The following EYS variants were observed in gnomAD, a reference collection of about 807,000 sequenced individuals.
EYS encodes the protein protein eyes shut homolog.
Under a neutral mutation model 282.1 loss-of-function variants are expected in EYS, and 250 were observed. The observed-to-expected ratio is 0.89, with a 90% CI of 0.80 to 0.98. The LOEUF (loss-of-function observed/expected upper bound fraction) is 0.98. EYS is among the 50% of genes least tolerant of loss of function. The probability of loss-of-function intolerance (pLI) is 0.00; values close to 1 mark genes in which losing one functional copy is unlikely to be tolerated. For missense variants in EYS, 4,016 were observed against 3,709.0 expected, an observed-to-expected ratio of 1.08 and a Z score of -2.15; for synonymous variants, 1,355 against 1,282.9, an observed-to-expected ratio of 1.06 and a Z score of -1.20.
At chr6:64,565,612 G>A (rs1224555080) in intron 26 of EYS, among the ~76,000 whole-genome samples, 1 of 151,956 alleles carries the variant, frequency 6.6e-6, no homozygotes, top group Non-Finnish European at 1.5e-5. Flanking sequence ...TGGGAGGTAG[G>A]GGAAAATGGG....
intron 31 of EYS, among the ~76,000 whole-genome samples, chr6:64,166,071 C>G (rs1402191268): frequency 2.0e-5 from 3 of 152,144 alleles, no homozygotes; most frequent in Admixed American, 1.3e-4. Flanking sequence ...TTCATAGCAT[C>G]TTAATGTTGG....
At chr6:63,899,613 A>G (rs968875993) in intron 35 of EYS, among the ~76,000 whole-genome samples, 1 of 152,178 alleles carries the variant, frequency 6.6e-6, no homozygotes, top group South Asian at 2.1e-4. Context: ...AGGCTGGGCC[A>G]ATTCCTGTTT....
chr6:64,813,148 G>C (rs970124421), intron 22 of EYS, among the ~76,000 whole-genome samples: 3 of 151,722 alleles, frequency 2.0e-5, no homozygotes, highest in African/African-American at 7.3e-5. Context: ...TAAAATGAGG[G>C]ATGATTTAAC....
intron 31 of EYS, among the ~76,000 whole-genome samples, chr6:64,114,178 A>C (rs1005873759): frequency 6.6e-6 from 1 of 152,196 alleles, no homozygotes; most frequent in South Asian, 2.1e-4. Flanking sequence ...ACATTGATAT[A>C]TAAGGTGCAA....
intron 19 of EYS, among the ~76,000 whole-genome samples, chr6:64,876,164 A>C (rs898754443): frequency 6.6e-6 from 1 of 152,078 alleles, no homozygotes; most frequent in African/African-American, 2.4e-5. Flanking sequence ...ATCTGAATTT[A>C]AAATTAATGT....
chr6:64,826,973 G>A (rs971042188), intron 19 of EYS, among the ~76,000 whole-genome samples: 1 of 151,512 alleles, frequency 6.6e-6, no homozygotes, highest in Non-Finnish European at 1.5e-5. Context: ...TCGCTGCTCT[G>A]ATATTATCAA....
At chr6:65,580,134 A>G (rs1764817109) in intron 2 of EYS, among the ~76,000 whole-genome samples, 1 of 152,268 alleles carries the variant, frequency 6.6e-6, no homozygotes, top group South Asian at 2.1e-4. Context: ...AATGTCACAG[A>G]AAAATATCTG....
intron 16 of EYS, among the ~76,000 whole-genome samples, chr6:64,907,647 C>T (rs1767872740): frequency 6.6e-6 from 1 of 152,100 alleles, no homozygotes; most frequent in African/African-American, 2.4e-5. Context: ...ATGAAGAGAA[C>T]ATGGTAGTTG....
At chr6:65,677,013 A>T (rs866710345) in intron 1 of EYS, among the ~76,000 whole-genome samples, 6 of 151,298 alleles carry the variant, frequency 4.0e-5, no homozygotes, top group African/African-American at 9.7e-5. Flanking sequence ...GATTATGATT[A>T]AAAAAATTAA....
At chr6:65,526,186 T>C (rs548297237) in intron 2 of EYS, among the ~76,000 whole-genome samples, 1 of 152,190 alleles carries the variant, frequency 6.6e-6, no homozygotes, top group Admixed American at 6.5e-5. Flanking sequence ...CCTCATTCTA[T>C]TGACCTTATC....
chr6:64,766,938 T>G (rs964092177), intron 22 of EYS, among the ~76,000 whole-genome samples: 1 of 151,542 alleles, frequency 6.6e-6, no homozygotes, highest in East Asian at 1.9e-4. Context: ...AAAGAAAAAC[T>G]GAAAAGAAGT....
chr6:64,046,811 C>T (rs1036792748), intron 33 of EYS, among the ~76,000 whole-genome samples: 2 of 152,160 alleles, frequency 1.3e-5, no homozygotes, highest in African/African-American at 4.8e-5. Flanking sequence ...TATTTACTAC[C>T]TCCAGATCCT....
chr6:64,708,902 T>G (rs536902038), intron 22 of EYS, among the ~76,000 whole-genome samples: 1 of 152,274 alleles, frequency 6.6e-6, no homozygotes, highest in African/African-American at 2.4e-5. Flanking sequence ...CAATCTAACA[T>G]GCAAGTTTAC....
chr6:64,360,619 A>C (rs1402292819), intron 29 of EYS, among the ~76,000 whole-genome samples: 1 of 151,754 alleles, frequency 6.6e-6, no homozygotes, highest in Non-Finnish European at 1.5e-5. Context: ...TAGTAGTTTC[A>C]GTTTCAGGAA....
At chr6:65,186,343 G>T (rs1444055111) in intron 12 of EYS, among the ~76,000 whole-genome samples, 1 of 151,710 alleles carries the variant, frequency 6.6e-6, no homozygotes, top group Non-Finnish European at 1.5e-5. Flanking sequence ...ACTTCCTCTT[G>T]ATATGGGATA....
intron 33 of EYS, among the ~76,000 whole-genome samples, chr6:64,053,279 A>AAAG (rs1770874535): frequency 6.6e-6 from 1 of 152,046 alleles, no homozygotes; most frequent in Non-Finnish European, 1.5e-5. Flanking sequence ...CTAGAAAATA[A>AAAG]AAGTTTTAGA....
At chr6:64,776,011 A>G (rs896575024) in intron 22 of EYS, among the ~76,000 whole-genome samples, 2 of 152,050 alleles carry the variant, frequency 1.3e-5, no homozygotes, top group Non-Finnish European at 2.9e-5. Context: ...TATCAGCCAA[A>G]CAGGACCTGC....
At chr6:65,642,749 G>A (rs1430221738) in intron 1 of EYS, among the ~76,000 whole-genome samples, 2 of 152,112 alleles carry the variant, frequency 1.3e-5, no homozygotes, top group Admixed American at 1.3e-4. Flanking sequence ...TACAAGACCT[G>A]CAGTGATTTT....
At chr6:64,426,667 C>A (rs543991507) in intron 28 of EYS, among the ~76,000 whole-genome samples, 43 of 151,618 alleles carry the variant, frequency 2.8e-4, no homozygotes, top group Non-Finnish European at 4.9e-4. Flanking sequence ...TAGCGGTTGG[C>A]AGAGGGGTTG....
Sources: allele counts gnomAD v4.1 joint callset (sites outside exome capture counted in the v4.1 genomes callset), GRCh38; gene constraint gnomAD v4.1.1; transcripts MANE v1.5; gene names NCBI Gene and HGNC (gene_info 2026-07-23, HGNC 2026-07-21).